Variants in PALM observed in about 807,000 individuals in gnomAD.
PALM encodes the protein paralemmin, also known as paralemmin-1.
Under a neutral mutation model 30.7 loss-of-function variants are expected in PALM, and 18 were observed. That is an observed-to-expected ratio of 0.59 (90% confidence interval 0.41 to 0.87). PALM has a LOEUF of 0.87. PALM is among the 40% of genes least tolerant of loss of function. The probability of loss-of-function intolerance (pLI) is 0.00; values close to 1 mark genes in which losing one functional copy is unlikely to be tolerated. For missense variants in PALM, 529 were observed against 555.4 expected, an observed-to-expected ratio of 0.95 and a Z score of 0.48; for synonymous variants, 286 against 242.8, an observed-to-expected ratio of 1.18 and a Z score of -1.66.
intron 1 of PALM, among the ~76,000 whole-genome samples, chr19:713,021 G>C (rs2032135035): frequency 6.6e-6 from 1 of 152,156 alleles, no homozygotes; most frequent in Admixed American, 6.6e-5. Flanking sequence ...GGGAAACTGA[G>C]GTACAGGGTG....
Position 746,979 on chromosome 19 carries a change from C to A in PALM, c.*165C>A, listed in dbSNP as rs538999413. 8.6e-5 allele frequency: 52 copies of A among 602,998 alleles called. 2 individuals carry two copies. The South Asian group carries it at 1.0e-3, about 12-fold the overall frequency. 37.4% of individuals were successfully genotyped at this position (602,998 alleles called of 1,614,324 possible). A position where few individuals can be genotyped will look rare whatever the true frequency, so the allele number is the denominator to read the frequency against. On this transcript the variant is annotated 3_prime_UTR_variant, in exon 9 of 9. Coordinates refer to ENST00000338448, the MANE Select transcript of PALM (RefSeq NM_002579.3). This position sits in a 1 kb window ranked among gnomAD's most constrained non-coding sequence, Gnocchi z 7.1. ...CTTTCGCTGGAAAGAGGGACAGGGG[C>A]CCCCACCCGTCACCACGCCCCAACA...
intron 1 of PALM, chr19:722,809 C>T (rs980301321): frequency 2.0e-5 from 3 of 152,260 alleles, no homozygotes; most frequent in Non-Finnish European, 2.9e-5. Context: ...GAACCCCACC[C>T]GGTGAAGGCA....
At chr19:725,316 T>C (rs1237041970) in intron 1 of PALM, among the ~76,000 whole-genome samples, 1 of 148,106 alleles carries the variant, frequency 6.8e-6, no homozygotes, top group African/African-American at 2.5e-5. Flanking sequence ...CCCAGCACTT[T>C]GGGAGGCCAA....
chr19:738,054 G>A (rs2033074141), intron 7 of PALM, among the ~76,000 whole-genome samples: 1 of 152,104 alleles, frequency 6.6e-6, no homozygotes, highest in Non-Finnish European at 1.5e-5. Context: ...GGTTCCTTAT[G>A]TTCTGAAGGT....
At chr19:716,890 C>T (rs1458089140) in intron 1 of PALM, among the ~76,000 whole-genome samples, 1 of 152,034 alleles carries the variant, frequency 6.6e-6, no homozygotes, top group Non-Finnish European at 1.5e-5. Context: ...AGTCTGGCTG[C>T]TTAAAGTGTA....
intron 1 of PALM, among the ~76,000 whole-genome samples, chr19:713,005 G>A (rs1224547755): frequency 6.6e-6 from 1 of 152,160 alleles, no homozygotes; most frequent in Non-Finnish European, 1.5e-5. Flanking sequence ...GAAGCCCTGC[G>A]AGAGAGGGAA....
At position 747,970 on chromosome 19, in the gene PALM, G is replaced by A. The variant is rs569010110; in HGVS notation, c.*1156G>A. 6.6e-6 allele frequency: 1 copy of A among 152,586 alleles called. No individual in the cohort carries two copies. Among genetic ancestry groups the A allele is most frequent in the Non-Finnish European group, 1.5e-5 (1 of 68,074 alleles). 9.5% of individuals were successfully genotyped at this position (152,586 alleles called of 1,614,324 possible). Reference sequence around the variant, plus strand: ...CTCACACGTTGGCTTTGGACAACCAGGCCCCAACTTGGTCCCTGCCCTAGG... The same window carrying A: ...CTCACACGTTGGCTTTGGACAACCAAGCCCCAACTTGGTCCCTGCCCTAGG... On this transcript the variant is annotated 3_prime_UTR_variant, in exon 9 of 9. Coordinates refer to ENST00000338448, the MANE Select transcript of PALM (RefSeq NM_002579.3).
chr19:745,357 C>G (rs2033308375), intron 8 of PALM, among the ~76,000 whole-genome samples: 1 of 152,172 alleles, frequency 6.6e-6, no homozygotes, highest in African/African-American at 2.4e-5. Context: ...AAATGAATCC[C>G]TACTTTTCAG....
At position 740,313 on chromosome 19, in the gene PALM, C is replaced by G. The variant is rs762348688; in HGVS notation, c.503-39C>G. 4 of 1,519,146 alleles carry G rather than the reference C, an allele frequency of 2.6e-6. No individual in the cohort carries two copies. The African/African-American group carries it at 4.1e-5, about 16-fold the overall frequency. 94.1% of individuals were successfully genotyped at this position (1,519,146 alleles called of 1,614,324 possible). A position where few individuals can be genotyped will look rare whatever the true frequency, so the allele number is the denominator to read the frequency against. On this transcript the variant is annotated intron_variant, in intron 7 of 8. Transcript: ENST00000338448. ...GCAGCCCGGCGGGGGGGTGCGGGGG[C>G]GGGCAGGCCGTGGTGTAACCCCGTG... is the stretch of plus-strand genomic sequence containing the variant.
Position 747,082 on chromosome 19 carries a change from C to A in PALM, c.*268C>A, listed in dbSNP as rs1040396627. On this transcript the variant is annotated 3_prime_UTR_variant, in exon 9 of 9. Transcript: ENST00000338448. ...AGACCCGCTTTTCCCGAGACAAGGA[C>A]CCCCCATGTCACGGCAGCTTCACAG... 7.0e-6 allele frequency: 3 copies of A among 429,342 alleles called. No homozygotes were observed. The highest frequency in any genetic ancestry group is 4.1e-5 in the African/African-American group (2 of 48,752). 26.6% of individuals were successfully genotyped at this position (429,342 alleles called of 1,614,324 possible). A position where few individuals can be genotyped will look rare whatever the true frequency, so the allele number is the denominator to read the frequency against.
intron 7 of PALM, among the ~76,000 whole-genome samples, chr19:738,705 C>T (rs1170385045): frequency 4.6e-5 from 7 of 152,090 alleles, no homozygotes; most frequent in Non-Finnish European, 7.4e-5. Context: ...AGATTAGAGC[C>T]GAGTGCCTGG....
At chr19:719,165 G>C (rs987603928) in intron 1 of PALM, 1 of 985,380 alleles carries the variant, frequency 1.0e-6, no homozygotes, top group Middle Eastern at 5.2e-4. Flanking sequence ...CCCGGGCGTG[G>C]GTTCTGGAAG....
At chr19:715,062 G>C (rs987313720) in intron 1 of PALM, among the ~76,000 whole-genome samples, 1 of 152,142 alleles carries the variant, frequency 6.6e-6, no homozygotes, top group African/African-American at 2.4e-5. Context: ...TCAGGAGTTC[G>C]AGACCAGCCT....
chr19:716,813 T>C (rs894493489), intron 1 of PALM, among the ~76,000 whole-genome samples: 3 of 152,190 alleles, frequency 2.0e-5, no homozygotes. Flanking sequence ...TACACAGGTA[T>C]GTATACACAC....
At chr19:716,182 C>T (rs1213418099) in intron 1 of PALM, among the ~76,000 whole-genome samples, 4 of 151,994 alleles carry the variant, frequency 2.6e-5, no homozygotes, top group Non-Finnish European at 4.4e-5. Flanking sequence ...GAGGCCGAGG[C>T]GGGCAGATCA....
chr19:747,588 TC>T lies in PALM; in HGVS notation c.*777del, dbSNP rs1246824700. 1.3e-5 allele frequency: 2 copies of T among 152,880 alleles called. No homozygotes were observed. Among genetic ancestry groups the T allele is most frequent in the East Asian group, 3.9e-4 (2 of 5,166 alleles). The allele number at this position is 152,880 out of a possible 1,614,324, so 9.5% of individuals were successfully genotyped here. A position where few individuals can be genotyped will look rare whatever the true frequency, so the allele number is the denominator to read the frequency against. ...GAGTGAGCCACTCCTTGTCCCGAGC[TC>T]CCGCCCCCACTGGGCCCTCCTTCCT... On this transcript the variant is annotated 3_prime_UTR_variant, in exon 9 of 9. Coordinates refer to ENST00000338448, the MANE Select transcript of PALM (RefSeq NM_002579.3).
chr19:727,926 C>T (rs913826393), intron 4 of PALM: 1 of 543,138 alleles, frequency 1.8e-6, no homozygotes, highest in Non-Finnish European at 3.3e-6. Flanking sequence ...TGCGTGGCCT[C>T]AGGCAGGGAG....
At chr19:726,791 C>T (rs902790270) in intron 2 of PALM, among the ~76,000 whole-genome samples, 15 of 152,264 alleles carry the variant, frequency 9.9e-5, no homozygotes, top group Admixed American at 4.6e-4. Flanking sequence ...GCGTGAGCCA[C>T]CGTGCCCGGC....
intron 1 of PALM, among the ~76,000 whole-genome samples, chr19:711,963 G>A (rs945137449): frequency 6.6e-6 from 1 of 152,030 alleles, no homozygotes; most frequent in East Asian, 1.9e-4. Context: ...CATTAAGTGG[G>A]TACCTGCCTT....
Sources: gnomAD v4.1 joint callset for allele counts (sites outside exome capture counted in the v4.1 genomes callset) on GRCh38, gnomAD v4.1.1 for gene constraint, Gnocchi (gnomAD v3.1) non-coding constraint, MANE v1.5 for transcripts, NCBI Gene and HGNC (gene_info 2026-07-23, HGNC 2026-07-21) for gene names.